The following LARS2 variants were observed in gnomAD, a reference collection of about 807,000 sequenced individuals.
LARS2 encodes the protein leucine--tRNA ligase, mitochondrial.
A neutral mutation model predicts 116.6 loss-of-function variants in LARS2; 81 were observed. The observed-to-expected ratio is 0.69, with a 90% confidence interval of 0.58 to 0.84. The LOEUF is 0.84. LARS2 is among the 40% of genes least tolerant of loss of function. LARS2 has a pLI of 0.00. For missense variants in LARS2, 968 were observed against 1,114.5 expected (o/e 0.87, Z 1.87); for synonymous variants, 396 against 407.2 (o/e 0.97, Z 0.33).
chr3:45,534,880 T>C (rs563523513), intron 20 of LARS2, among the ~76,000 whole-genome samples: 1 of 152,296 alleles, frequency 6.6e-6, no homozygotes, highest in South Asian at 2.1e-4. Context: ...AAGCTTCGGA[T>C]CTGAGAAGCT....
intron 8 of LARS2, among the ~76,000 whole-genome samples, chr3:45,465,982 C>A (rs535233560): frequency 6.6e-6 from 1 of 152,188 alleles, no homozygotes; most frequent in South Asian, 2.1e-4. Flanking sequence ...CTTCTGCAGT[C>A]TCTGGGTCAG....
chr3:45,479,919 G>T (rs1383247578), intron 10 of LARS2, among the ~76,000 whole-genome samples: 1 of 152,086 alleles, frequency 6.6e-6, no homozygotes, highest in African/African-American at 2.4e-5. Flanking sequence ...GGGCAGATGC[G>T]GTCTCTCCAA....
chr3:45,396,981 C>T (rs778167352), intron 3 of LARS2, among the ~76,000 whole-genome samples: 3 of 152,198 alleles, frequency 2.0e-5, no homozygotes, highest in African/African-American at 2.4e-5. Context: ...ACTGGGGCTC[C>T]GGATTCCTAT....
intron 16 of LARS2, 80 bp from the exon 17 acceptor site, chr3:45,516,014 G>A: frequency 8.5e-7 from 1 of 1,172,926 alleles, no homozygotes. Context: ...CGCTCACCCA[G>A]TTTTTACTTA....
intron 7 of LARS2, among the ~76,000 whole-genome samples, chr3:45,458,327 T>A (rs192618318): frequency 2.0e-5 from 3 of 152,268 alleles, no homozygotes; most frequent in Admixed American, 1.3e-4. Flanking sequence ...CAAGCAGTAC[T>A]CCACGGAGCA....
rs1699579086 is a variant in LARS2, at chr3:45,474,383, G to C, written c.858+33G>C. ...AGTAATAGCAGCTCCAGCAATTCAT[G>C]ATCACAAATCTCCTCTACATTTGGG... On this transcript the variant is annotated intron_variant, in intron 9 of 21. Transcript: ENST00000645846. 4 of 1,403,718 alleles carry C rather than the reference G, an allele frequency of 2.8e-6. 1 individual carries two copies. The highest frequency in any genetic ancestry group is 2.4e-5 in the South Asian group (2 of 82,464). 87.0% of individuals were successfully genotyped at this position (1,403,718 alleles called of 1,614,324 possible). A position where few individuals can be genotyped will look rare whatever the true frequency, so the allele number is the denominator to read the frequency against.
At chr3:45,523,301 C>T (rs916739833) in intron 19 of LARS2, among the ~76,000 whole-genome samples, 4 of 152,202 alleles carry the variant, frequency 2.6e-5, no homozygotes, top group African/African-American at 9.7e-5. Context: ...AGGTGTTTCA[C>T]AGTTTAACAC....
chr3:45,537,452 A>G (rs1700723947), intron 20 of LARS2, among the ~76,000 whole-genome samples: 1 of 152,238 alleles, frequency 6.6e-6, no homozygotes, highest in African/African-American at 2.4e-5. Context: ...TTATAAACGT[A>G]AAAATCATGT....
At position 45,446,957 on chromosome 3, in the gene LARS2, G is replaced by A. The variant is rs1699031628; in HGVS notation, c.583G>A (p.Ala195Thr). 6.2e-7 allele frequency: 1 copy of A among 1,606,582 alleles called. No homozygotes were observed. The part of the protein sequence containing the change: ...TQYLFIKLYE[A>T]GLAYQKEALV... The stretch of plus-strand genomic sequence containing the variant: ...GTATCTCTTTATTAAACTGTATGAG[G>A]CTGGGCTGGCCTATCAAAAGGAGGT... The change falls in exon 7 of 22, where the codon GCT becomes ACT. Residue 195 changes from alanine to threonine, a missense_variant. Coordinates refer to ENST00000645846, the MANE Select transcript of LARS2 (RefSeq NM_015340.4).
At chr3:45,518,097 G>T (rs1438453895) in intron 18 of LARS2, 25 bp downstream of exon 18, 2 of 1,586,916 alleles carry the variant, frequency 1.3e-6, no homozygotes, top group Non-Finnish European at 1.7e-6. Context: ...AATTCCAGGG[G>T]TTAACTCTGT....
In LARS2 at chr3:45,471,187, TGAAG is replaced by T. The variant is rs200809584; in HGVS notation, c.751-3052_751-3049del. Among the ~76,000 whole-genome samples, 335 of 152,192 alleles carry T rather than the reference TGAAG, an allele frequency of 2.2e-3. 1 individual carries two copies. The highest frequency in any genetic ancestry group is 7.1e-3 in the African/African-American group (295 of 41,526). ...GCCCTGCTCTGGGCCAGCCCAGGATTGAAGGAAAGGTTATCAGCAGCTATTGGAA... is the reference window on the plus strand; with the variant it reads ...GCCCTGCTCTGGGCCAGCCCAGGATTGAAAGGTTATCAGCAGCTATTGGAA... On this transcript the variant is annotated intron_variant, in intron 8 of 21. Coordinates refer to ENST00000645846, the MANE Select transcript of LARS2 (RefSeq NM_015340.4).
intron 17 of LARS2, among the ~76,000 whole-genome samples, chr3:45,517,558 C>T (rs1700387289): frequency 6.6e-6 from 1 of 152,220 alleles, no homozygotes; most frequent in Non-Finnish European, 1.5e-5. Flanking sequence ...ATGTTAACTC[C>T]ATGGCATTTT....
At chr3:45,474,825 C>A (rs1699585550) in intron 9 of LARS2, among the ~76,000 whole-genome samples, 1 of 152,096 alleles carries the variant, frequency 6.6e-6, no homozygotes, top group African/African-American at 2.4e-5. Flanking sequence ...CCATTACTCT[C>A]ACTATAGTCT....
chr3:45,508,014 G>A (rs1700224942), intron 15 of LARS2, among the ~76,000 whole-genome samples: 2 of 152,058 alleles, frequency 1.3e-5, no homozygotes, highest in Non-Finnish European at 2.9e-5. Context: ...GTGGGAACAT[G>A]TCATGGCCCA....
intron 15 of LARS2, among the ~76,000 whole-genome samples, chr3:45,501,427 T>G (rs138293488): frequency 0.011 from 1,749 of 152,276 alleles, 23 homozygotes; most frequent in Non-Finnish European, 0.018. Context: ...AGAATTATAT[T>G]TCAGGTATTC....
intron 6 of LARS2, among the ~76,000 whole-genome samples, chr3:45,445,839 G>A (rs747016785): frequency 6.6e-6 from 1 of 152,166 alleles, no homozygotes; most frequent in East Asian, 1.9e-4. Context: ...CCCAAAGTCC[G>A]GGTTTGAAGC....
chr3:45,532,224 T>C (rs1303731981), intron 20 of LARS2, among the ~76,000 whole-genome samples: 1 of 152,192 alleles, frequency 6.6e-6, no homozygotes, highest in African/African-American at 2.4e-5. Context: ...TGTTGGCTGT[T>C]GGTTTGGGAT....
intron 15 of LARS2, among the ~76,000 whole-genome samples, chr3:45,512,168 A>G (rs1165356185): frequency 6.6e-6 from 1 of 152,186 alleles, no homozygotes; most frequent in African/African-American, 2.4e-5. Context: ...TTAAAAATTT[A>G]CCTTGAGCAA....
intron 8 of LARS2, among the ~76,000 whole-genome samples, chr3:45,473,112 A>G (rs927526471): frequency 1.3e-5 from 2 of 152,250 alleles, no homozygotes; most frequent in Admixed American, 6.5e-5. Flanking sequence ...TTAGAGCCAT[A>G]GAGATCACAG....
Sources: gnomAD v4.1 joint callset for allele counts (sites outside exome capture counted in the v4.1 genomes callset) on GRCh38, gnomAD v4.1.1 for gene constraint, MANE v1.5 for transcripts, NCBI Gene and HGNC (gene_info 2026-07-23, HGNC 2026-07-21) for gene names.